Variants in ST7 observed in about 807,000 individuals in gnomAD.
ST7 encodes suppression of tumorigenicity 7, also known as suppressor of tumorigenicity 7 protein.
In ST7, 28 loss-of-function variants were observed where a neutral mutation model predicts 78.7. That is an observed-to-expected ratio of 0.36 (90% CI 0.26 to 0.49). ST7 has a LOEUF of 0.49. Ranked by LOEUF, ST7 falls within the 20% of genes least tolerant of loss-of-function variation. ST7 has a pLI of 0.99. For missense variants in ST7, 418 were observed against 696.0 expected (o/e 0.60, Z 4.49); for synonymous variants, 247 against 249.6 (o/e 0.99, Z 0.10).
chr7:117,127,863 T>G (rs529884570), intron 3 of ST7, among the ~76,000 whole-genome samples: 53 of 152,080 alleles, frequency 3.5e-4, no homozygotes, highest in Middle Eastern at 3.4e-3. Flanking sequence ...TTGGAGTTAT[T>G]TTTTGTTTAG....
At chr7:117,040,462 G>A (rs927643495) in intron 1 of ST7, among the ~76,000 whole-genome samples, 15 of 152,030 alleles carry the variant, frequency 9.9e-5, no homozygotes, top group African/African-American at 1.7e-4. Context: ...GTATATCTAC[G>A]TATAATGTAA....
intron 1 of ST7, among the ~76,000 whole-genome samples, chr7:116,994,053 G>T (rs11980673): frequency 6.6e-6 from 1 of 151,948 alleles, no homozygotes; most frequent in Non-Finnish European, 1.5e-5. Flanking sequence ...ATACAGTTCC[G>T]TGGCATTAAG....
At chr7:117,002,154 G>T (rs1467817479) in intron 1 of ST7, among the ~76,000 whole-genome samples, 1 of 152,096 alleles carries the variant, frequency 6.6e-6, no homozygotes, top group Admixed American at 6.5e-5. Context: ...CTTGAACCTG[G>T]GATGTGGAGG....
intron 2 of ST7, chr7:117,118,034 G>C (rs1363112421): frequency 6.6e-6 from 1 of 152,230 alleles, no homozygotes; most frequent in African/African-American, 2.4e-5. Flanking sequence ...TAACTTGATA[G>C]TATATTCCCC....
chr7:117,136,555 C>T (rs1405096640), intron 8 of ST7: 2 of 511,774 alleles, frequency 3.9e-6, no homozygotes, highest in African/African-American at 3.9e-5. Context: ...TGCTTCTGCT[C>T]ACAACTTTAA....
intron 1 of ST7, among the ~76,000 whole-genome samples, chr7:117,077,481 A>C (rs1799433867): frequency 6.6e-6 from 1 of 152,204 alleles, no homozygotes; most frequent in Non-Finnish European, 1.5e-5. Flanking sequence ...TATAACATAT[A>C]CATCTATGAC....
intron 1 of ST7, among the ~76,000 whole-genome samples, chr7:117,001,471 G>T (rs1364450353): frequency 6.6e-6 from 1 of 152,144 alleles, no homozygotes; most frequent in Non-Finnish European, 1.5e-5. Flanking sequence ...CTGGAAAAAG[G>T]GGGTTTATGT....
At chr7:116,989,858 C>A (rs1385606908) in intron 1 of ST7, among the ~76,000 whole-genome samples, 1 of 151,914 alleles carries the variant, frequency 6.6e-6, no homozygotes, top group African/African-American at 2.4e-5. Context: ...ATTTTTTTTT[C>A]CTTGTGTCTG....
In ST7 at chr7:117,145,083, C is replaced by T. The variant is rs148484397; in HGVS notation, c.963+6551C>T. 2.1e-3 allele frequency among the ~76,000 whole-genome samples: 312 copies of T among 151,948 alleles called. 1 individual carries two copies. Among genetic ancestry groups the T allele is most frequent in the Non-Finnish European group, 2.0e-3 (137 of 67,968 alleles). On this transcript the variant is annotated intron_variant, in intron 9 of 15. Transcript: ENST00000323984. ...GGTGTGGTAGCACACGCCTGTGGTCCGTGGTCCCAGCTGCTTGAGAGGCTG... is the reference window on the plus strand; with the variant it reads ...GGTGTGGTAGCACACGCCTGTGGTCTGTGGTCCCAGCTGCTTGAGAGGCTG...
rs574335605 is a variant in ST7, at chr7:116,977,724, T to C, written c.151+24033T>C. 4.7e-4 allele frequency among the ~76,000 whole-genome samples: 72 copies of C among 152,248 alleles called. 1 individual carries two copies. The highest frequency in any genetic ancestry group is 1.5e-3 in the African/African-American group (64 of 41,542). On this transcript the variant is annotated intron_variant, in intron 1 of 15. Coordinates refer to ENST00000323984, the MANE Select transcript of ST7 (RefSeq NM_001369598.1). ...GTGCCACCACGCCCAGCTAATTTTT[T>C]TGTATCTTTAGTAGAGACAGAGTTT... is the stretch of plus-strand genomic sequence containing the variant.
chr7:116,995,569 C>T (rs933826396), intron 1 of ST7, among the ~76,000 whole-genome samples: 1 of 152,222 alleles, frequency 6.6e-6, no homozygotes, highest in Non-Finnish European at 1.5e-5. Context: ...AGCTGTTTTA[C>T]AGAATGTCTT....
chr7:117,012,191 A>G (rs564609723), intron 1 of ST7, among the ~76,000 whole-genome samples: 65 of 152,356 alleles, frequency 4.3e-4, no homozygotes, highest in Admixed American at 1.6e-3. Flanking sequence ...GGAATTGATC[A>G]TAGAATATAG....
intron 1 of ST7, among the ~76,000 whole-genome samples, chr7:116,970,732 G>A (rs1427348419): frequency 1.3e-5 from 2 of 152,176 alleles, no homozygotes; most frequent in Non-Finnish European, 2.9e-5. Context: ...TGGACTGATT[G>A]TTGTAGGTTG....
chr7:117,069,776 T>C (rs964216428), intron 1 of ST7, among the ~76,000 whole-genome samples: 2 of 152,200 alleles, frequency 1.3e-5, no homozygotes, highest in East Asian at 3.8e-4. Flanking sequence ...CTCCAGGTCC[T>C]ACTGTATATT....
intron 1 of ST7, among the ~76,000 whole-genome samples, chr7:117,058,567 T>C (rs993305439): frequency 6.6e-6 from 1 of 152,160 alleles, no homozygotes; most frequent in Non-Finnish European, 1.5e-5. Flanking sequence ...AGGAAGCCAA[T>C]TATCAAAAAG....
intron 8 of ST7, chr7:117,137,310 G>A (rs765197222): frequency 1.1e-4 from 16 of 152,002 alleles, no homozygotes; most frequent in Non-Finnish European, 1.9e-4. Context: ...TTATTCTGCA[G>A]CATATATATG....
intron 1 of ST7, among the ~76,000 whole-genome samples, chr7:117,064,257 A>G (rs1798516781): frequency 6.6e-6 from 1 of 152,090 alleles, no homozygotes; most frequent in Admixed American, 6.5e-5. Context: ...CTTTTCTTTT[A>G]GTTAATGCTT....
At chr7:117,168,871 A>T (rs1470336723) in intron 9 of ST7, among the ~76,000 whole-genome samples, 3 of 152,208 alleles carry the variant, frequency 2.0e-5, no homozygotes, top group Admixed American at 6.5e-5. Context: ...CTTAGCAGTG[A>T]ATTAGCCTGT....
intron 1 of ST7, among the ~76,000 whole-genome samples, chr7:116,958,033 C>T (rs1792605572): frequency 6.6e-6 from 1 of 152,166 alleles, no homozygotes; most frequent in Non-Finnish European, 1.5e-5. Flanking sequence ...GTCACCCAGG[C>T]TGGAGTGCAG....
Sources: gnomAD v4.1 joint callset for allele counts (sites outside exome capture counted in the v4.1 genomes callset) on GRCh38, gnomAD v4.1.1 for gene constraint, MANE v1.5 for transcripts, NCBI Gene and HGNC (gene_info 2026-07-23, HGNC 2026-07-21) for gene names.